The following ADK variants were observed in gnomAD, a reference collection of about 807,000 sequenced individuals.
ADK encodes N6,N6-dimethyladenosine kinase.
A neutral mutation model predicts 44.7 loss-of-function variants in ADK; 24 were observed. The ratio of observed to expected loss-of-function variants is 0.54; its 90% CI spans 0.39 to 0.76. The LOEUF (loss-of-function observed/expected upper bound fraction) is 0.76. ADK is among the 30% of genes least tolerant of loss of function. The pLI, the probability that ADK is intolerant of heterozygous loss-of-function variation, is 0.00. For synonymous variants in ADK, 128 were observed against 142.6 expected (o/e 0.90, Z 0.73); for missense variants, 321 against 425.1 (o/e 0.76, Z 2.15).
intron 4 of ADK, among the ~76,000 whole-genome samples, chr10:74,391,650 TATACACACACACACACAC>T (rs1354514232): frequency 2.1e-3 from 281 of 134,732 alleles, no homozygotes; most frequent in Non-Finnish European, 2.6e-3. Flanking sequence ...GAGGCAAGAA[TATACACACACACACACAC>T]ACACACACAC....
At chr10:74,574,766 A>G (rs1851125559) in intron 7 of ADK, among the ~76,000 whole-genome samples, 1 of 152,230 alleles carries the variant, frequency 6.6e-6, no homozygotes. Flanking sequence ...ACATCAGACT[A>G]GCACTTTCCC....
chr10:74,330,977 C>G (rs373225270), intron 4 of ADK, among the ~76,000 whole-genome samples: 1 of 152,002 alleles, frequency 6.6e-6, no homozygotes, highest in Non-Finnish European at 1.5e-5. Context: ...GTTTTTAATC[C>G]CTCTTTTCTG....
At chr10:74,214,229 CATT>C (rs1843934073) in intron 2 of ADK, among the ~76,000 whole-genome samples, 1 of 152,132 alleles carries the variant, frequency 6.6e-6, no homozygotes, top group African/African-American at 2.4e-5. Context: ...TAGTCTCAAA[CATT>C]GTTGTAGTGA....
At chr10:74,666,750 G>A (rs1382595635) in intron 9 of ADK, among the ~76,000 whole-genome samples, 2 of 151,368 alleles carry the variant, frequency 1.3e-5, no homozygotes, top group African/African-American at 4.9e-5. Context: ...TTTAGTGAAT[G>A]TACTTCATGT....
chr10:74,345,040 C>T (rs1249836823), intron 4 of ADK, among the ~76,000 whole-genome samples: 1 of 152,234 alleles, frequency 6.6e-6, no homozygotes, highest in Non-Finnish European at 1.5e-5. Context: ...TCTAATTCTT[C>T]TTTAAACGTT....
chr10:74,655,143 A>G, intron 9 of ADK: 1 of 300,826 alleles, frequency 3.3e-6, no homozygotes, highest in Non-Finnish European at 6.5e-6. Context: ...CCTTCACCCC[A>G]AATATCATCA....
At chr10:74,230,791 C>G (rs1212026450) in intron 3 of ADK, among the ~76,000 whole-genome samples, 6 of 152,062 alleles carry the variant, frequency 3.9e-5, no homozygotes, top group Non-Finnish European at 8.8e-5. Flanking sequence ...AAGTGATTCC[C>G]CTGCCTCAGC....
chr10:74,387,236 G>A (rs766571694), intron 4 of ADK, among the ~76,000 whole-genome samples: 16 of 151,932 alleles, frequency 1.1e-4, no homozygotes, highest in Non-Finnish European at 2.2e-4. Flanking sequence ...CGCCTGGCCT[G>A]GTATTTCAGT....
intron 3 of ADK, among the ~76,000 whole-genome samples, 199 bp from the exon 4 acceptor site, chr10:74,314,468 T>C (rs975519450): frequency 6.6e-6 from 1 of 152,096 alleles, no homozygotes; most frequent in African/African-American, 2.4e-5. Context: ...TTCTTATAGT[T>C]GTACACTTAT....
At chr10:74,553,354 C>T (rs193098004) in intron 7 of ADK, among the ~76,000 whole-genome samples, 25 of 151,982 alleles carry the variant, frequency 1.6e-4, no homozygotes, top group African/African-American at 5.1e-4. Flanking sequence ...GCACGCACCA[C>T]GACACCCAGC....
At chr10:74,549,186 G>A (rs1250174433) in intron 7 of ADK, among the ~76,000 whole-genome samples, 1 of 152,092 alleles carries the variant, frequency 6.6e-6, no homozygotes, top group Non-Finnish European at 1.5e-5. Flanking sequence ...TACTGTAAGG[G>A]AAAAGTATAT....
intron 7 of ADK, among the ~76,000 whole-genome samples, chr10:74,587,413 C>T (rs1851565988): frequency 6.6e-6 from 1 of 152,232 alleles, no homozygotes; most frequent in Non-Finnish European, 1.5e-5. Flanking sequence ...TTCAACTTAA[C>T]ACTTCCTGTT....
At chr10:74,374,483 T>C (rs1461022291) in intron 4 of ADK, among the ~76,000 whole-genome samples, 1 of 152,140 alleles carries the variant, frequency 6.6e-6, no homozygotes, top group East Asian at 1.9e-4. Context: ...GAAAATAGTC[T>C]TTAAGCATTG....
chr10:74,331,286 GT>G (rs955692199), intron 4 of ADK, among the ~76,000 whole-genome samples: 5 of 148,602 alleles, frequency 3.4e-5, no homozygotes, highest in African/African-American at 1.3e-4. Context: ...TTGAAAACCT[GT>G]TTTGATTTTT....
chr10:74,231,773 G>GT (rs1346110419), intron 3 of ADK, among the ~76,000 whole-genome samples: 2 of 151,780 alleles, frequency 1.3e-5, no homozygotes, highest in South Asian at 2.1e-4. Flanking sequence ...GCCAAGAAAA[G>GT]TTTTTTTTAA....
intron 9 of ADK, among the ~76,000 whole-genome samples, chr10:74,664,476 A>G (rs1854874852): frequency 6.6e-6 from 1 of 152,216 alleles, no homozygotes. Flanking sequence ...ATAGCTTTTC[A>G]TATGTTTTAT....
intron 6 of ADK, among the ~76,000 whole-genome samples, chr10:74,421,251 G>A (rs1844545262): frequency 6.6e-6 from 1 of 152,120 alleles, no homozygotes; most frequent in Non-Finnish European, 1.5e-5. Context: ...TGGTAAATTT[G>A]TTTCTCATAA....
intron 4 of ADK, among the ~76,000 whole-genome samples, chr10:74,332,602 A>G (rs887421533): frequency 2.6e-5 from 4 of 152,210 alleles, no homozygotes; most frequent in Non-Finnish European, 4.4e-5. Context: ...GGCAAGGGAA[A>G]TGAACTGAAG....
At chr10:74,208,036 C>T (rs1843666133) in intron 2 of ADK, among the ~76,000 whole-genome samples, 1 of 150,066 alleles carries the variant, frequency 6.7e-6, no homozygotes, top group Non-Finnish European at 1.5e-5. Flanking sequence ...TCAGTGCTGC[C>T]CCGAGCACAT....
Sources: gnomAD v4.1 joint callset for allele counts (sites outside exome capture counted in the v4.1 genomes callset) on GRCh38, gnomAD v4.1.1 for gene constraint, MANE v1.5 for transcripts, NCBI Gene and HGNC (gene_info 2026-07-23, HGNC 2026-07-21) for gene names.